Variants in MTMR3 observed in about 807,000 individuals in gnomAD.
The protein encoded by MTMR3 is myotubularin related protein 3, also known as phosphatidylinositol-3,5-bisphosphate 3-phosphatase MTMR3.
In MTMR3, 32 loss-of-function variants were observed where a neutral mutation model predicts 132.4. That is an observed-to-expected ratio of 0.24 (90% CI 0.18 to 0.32). The LOEUF (loss-of-function observed/expected upper bound fraction) is 0.32. Ranked by LOEUF, MTMR3 falls within the 10% of genes least tolerant of loss-of-function variation. The pLI is 1.00. For synonymous variants in MTMR3, 556 were observed against 550.3 expected (o/e 1.01, Z -0.14); for missense variants, 1,216 against 1,489.6 (o/e 0.82, Z 3.02).
intron 1 of MTMR3, among the ~76,000 whole-genome samples, chr22:29,919,865 C>T: frequency 6.6e-6 from 1 of 152,072 alleles, no homozygotes; most frequent in East Asian, 1.9e-4. Context: ...CTAGGTTAAA[C>T]TCAACACAGT....
chr22:30,010,145 C>T (rs978364877), intron 12 of MTMR3: 5 of 152,288 alleles, frequency 3.3e-5, no homozygotes, highest in South Asian at 2.1e-4. Context: ...CAGCTAGCAG[C>T]GCTTTCTTCC....
intron 1 of MTMR3, among the ~76,000 whole-genome samples, chr22:29,932,133 A>G (rs1233371017): frequency 6.6e-6 from 1 of 152,180 alleles, no homozygotes; most frequent in East Asian, 1.9e-4. Context: ...TGAGTTCTCT[A>G]AGTGCTTCTC....
At chr22:30,020,947 C>T in intron 17 of MTMR3, 63 bp downstream of exon 17, 1 of 1,455,396 alleles carries the variant, frequency 6.9e-7, no homozygotes, top group Non-Finnish European at 9.3e-7. Flanking sequence ...GGCTGGGTGC[C>T]CTTTGTGCCC....
At chr22:29,910,276 T>C (rs191697000) in intron 1 of MTMR3, among the ~76,000 whole-genome samples, 1 of 152,286 alleles carries the variant, frequency 6.6e-6, no homozygotes, top group Admixed American at 6.5e-5. Context: ...TGCAGTTATG[T>C]AGAACAAAAC....
intron 16 of MTMR3, 171 bp downstream of exon 16, chr22:30,018,243 T>A: frequency 1.4e-6 from 1 of 707,046 alleles, no homozygotes; most frequent in Non-Finnish European, 2.1e-6. Context: ...TACGAGGCTG[T>A]AAGATCCTTG....
rs2067210920 is a variant in MTMR3 at position 30,003,261 on chromosome 22, A to G, written c.671+268A>G. On this transcript the variant is annotated intron_variant, in intron 9 of 19. Transcript: ENST00000401950. Reference sequence around the variant, plus strand: ...GACTTGCTATTTCAATATCCTTCTTACATTCTGTGAGAAGATAATGTGCTT... The same window carrying G: ...GACTTGCTATTTCAATATCCTTCTTGCATTCTGTGAGAAGATAATGTGCTT... 1.0e-5 allele frequency: 3 copies of G among 298,952 alleles called. No individual in the cohort carries two copies. The South Asian group carries it at 2.8e-4, about 28-fold the overall frequency. The allele number at this position is 298,952 out of a possible 1,614,324, so 18.5% of individuals were successfully genotyped here.
chr22:29,896,075 G>A (rs868281588), intron 1 of MTMR3, among the ~76,000 whole-genome samples: 2 of 152,192 alleles, frequency 1.3e-5, no homozygotes, highest in Non-Finnish European at 2.9e-5. Flanking sequence ...TTTGGGAGGC[G>A]GAGGTGGGCA....
chr22:29,891,633 AT>A (rs2064802390), intron 1 of MTMR3, among the ~76,000 whole-genome samples: 1 of 151,888 alleles, frequency 6.6e-6, no homozygotes, highest in Non-Finnish European at 1.5e-5. Context: ...GGATTTTGCC[AT>A]GTTGGCCAGG....
At chr22:30,022,941 T>C (rs2145982278) in intron 19 of MTMR3, 2 of 513,078 alleles carry the variant, frequency 3.9e-6, no homozygotes, top group South Asian at 5.2e-5. Context: ...GTTTCCCAGA[T>C]TGGTGAAACA....
At chr22:29,910,945 T>G (rs1021424983) in intron 1 of MTMR3, among the ~76,000 whole-genome samples, 1 of 152,226 alleles carries the variant, frequency 6.6e-6, no homozygotes, top group African/African-American at 2.4e-5. Context: ...TATTGATAAT[T>G]CCTAAGTTGT....
chr22:29,884,664 G>C (rs1323066287), intron 1 of MTMR3, among the ~76,000 whole-genome samples: 2 of 142,850 alleles, frequency 1.4e-5, no homozygotes, highest in Non-Finnish European at 3.0e-5. Flanking sequence ...CCAGGTTCTA[G>C]CAATCCTCCC....
chr22:29,964,016 ACT>A (rs2066366349), intron 2 of MTMR3, among the ~76,000 whole-genome samples: 1 of 152,090 alleles, frequency 6.6e-6, no homozygotes, highest in African/African-American at 2.4e-5. Context: ...TCAAATGGTA[ACT>A]CTGTGTTTAA....
chr22:29,921,098 GT>G (rs1169518990), intron 1 of MTMR3, among the ~76,000 whole-genome samples: 2 of 152,062 alleles, frequency 1.3e-5, no homozygotes, highest in African/African-American at 2.4e-5. Context: ...AGGCTGGGTA[GT>G]TTATAAAGAA....
At chr22:29,939,974 G>T (rs2065824855) in intron 1 of MTMR3, among the ~76,000 whole-genome samples, 1 of 152,264 alleles carries the variant, frequency 6.6e-6, no homozygotes, top group Non-Finnish European at 1.5e-5. Context: ...TGTACTTTGT[G>T]ATATTTCCCT....
chr22:29,976,650 G>T (rs2066634901), intron 3 of MTMR3, among the ~76,000 whole-genome samples: 1 of 151,994 alleles, frequency 6.6e-6, no homozygotes, highest in Non-Finnish European at 1.5e-5. Flanking sequence ...TACCTACCAG[G>T]TTTTTTTGCA....
intron 1 of MTMR3, among the ~76,000 whole-genome samples, chr22:29,947,454 G>GA (rs2065974263): frequency 1.3e-5 from 2 of 150,096 alleles, no homozygotes; most frequent in African/African-American, 4.9e-5. Flanking sequence ...GTATGTTTGA[G>GA]AAAGTTTTCC....
intron 1 of MTMR3, among the ~76,000 whole-genome samples, chr22:29,927,112 C>A (rs1291242359): frequency 6.6e-6 from 1 of 152,112 alleles, no homozygotes; most frequent in East Asian, 1.9e-4. Context: ...TTGAGTTGTT[C>A]TAGCATCTTT....
chr22:29,898,861 A>G (rs569214601), intron 1 of MTMR3, among the ~76,000 whole-genome samples: 1 of 147,778 alleles, frequency 6.8e-6, no homozygotes, highest in Non-Finnish European at 1.5e-5. Flanking sequence ...ATTCTTTTTT[A>G]TGGCTGCAGC....
intron 1 of MTMR3, among the ~76,000 whole-genome samples, chr22:29,928,199 T>A: frequency 6.9e-6 from 1 of 144,406 alleles, no homozygotes; most frequent in Non-Finnish European, 1.5e-5. Flanking sequence ...TTAGACAAAG[T>A]CTTGCTCTTG....
Sources: allele counts gnomAD v4.1 joint callset (sites outside exome capture counted in the v4.1 genomes callset), GRCh38; gene constraint gnomAD v4.1.1; transcripts MANE v1.5; gene names NCBI Gene and HGNC (gene_info 2026-07-23, HGNC 2026-07-21).